KLRG1: variants seen among roughly 807,000 people sequenced by gnomAD.
The protein encoded by KLRG1 is killer cell lectin like receptor G1.
In KLRG1, 16 loss-of-function variants were observed where a neutral mutation model predicts 21.8. That is an observed-to-expected ratio of 0.73 (90% CI 0.50 to 1.11). The LOEUF is 1.11. KLRG1 is among the 50% of genes most tolerant of loss of function. KLRG1 has a pLI of 0.00. For synonymous variants in KLRG1, 69 were observed against 75.9 expected (o/e 0.91, Z 0.47); for missense variants, 173 against 218.3 (o/e 0.79, Z 1.31).
At chr12:9,165,289 G>A in the KLRG1 span, 652,207 of 1,594,002 alleles carry the variant, frequency 0.41, 138,936 homozygotes, top group East Asian at 0.46. Flanking sequence ...CAGCATCTTC[G>A]GACAGGCAGA....
the KLRG1 span, chr12:9,203,727 T>G: frequency 9.3e-6 from 15 of 1,606,358 alleles, no homozygotes; most frequent in Admixed American, 8.4e-5. Flanking sequence ...CTCAATAAAA[T>G]GTATCAAGCA....
chr12:9,129,028 T>C, the KLRG1 span, among the ~76,000 whole-genome samples: 1 of 152,208 alleles, frequency 6.6e-6, no homozygotes, highest in African/African-American at 2.4e-5. Flanking sequence ...TTTTGAATGT[T>C]ACCAGCTAGC....
chr12:9,153,070 A>G, the KLRG1 span: 2 of 1,607,470 alleles, frequency 1.2e-6, no homozygotes, highest in Admixed American at 3.4e-5. Flanking sequence ...CAGAGTTTCC[A>G]TTTCAATTGG....
chr12:9,152,903 C>A, the KLRG1 span: 1 of 1,614,118 alleles, frequency 6.2e-7, no homozygotes, highest in Non-Finnish European at 8.5e-7. Flanking sequence ...ACTTTTAAAG[C>A]AAATGGGGAG....
the KLRG1 span, chr12:9,069,780 C>T: frequency 6.2e-7 from 1 of 1,613,308 alleles, no homozygotes; most frequent in Non-Finnish European, 8.5e-7. Flanking sequence ...TTGCTGCTGA[C>T]TTCTGTCCGG....
intron 3 of KLRG1, among the ~76,000 whole-genome samples, chr12:9,002,455 T>G (rs1947333083): frequency 6.6e-6 from 1 of 152,220 alleles, no homozygotes; most frequent in Non-Finnish European, 1.5e-5. Flanking sequence ...GGGTTTGCAT[T>G]TTTTCTAAAA....
At chr12:9,206,784 G>A in the KLRG1 span, among the ~76,000 whole-genome samples, 3 of 152,026 alleles carry the variant, frequency 2.0e-5, no homozygotes, top group Non-Finnish European at 4.4e-5. Context: ...TTTGTTCAGT[G>A]GCAGACACAA....
chr12:9,116,158 A>G, the KLRG1 span: 1 of 362,330 alleles, frequency 2.8e-6, no homozygotes, highest in Non-Finnish European at 5.4e-6. Flanking sequence ...TAAGCTTTTC[A>G]ACCTCTTCTC....
At chr12:8,962,378 G>T (rs1422618757) in intron 1 of KLRG1, among the ~76,000 whole-genome samples, 1 of 152,118 alleles carries the variant, frequency 6.6e-6, no homozygotes, top group African/African-American at 2.4e-5. Context: ...CTGAAGGAAA[G>T]ATTAGCTGAC....
the KLRG1 span, among the ~76,000 whole-genome samples, chr12:9,088,274 A>T: frequency 6.6e-6 from 1 of 151,902 alleles, no homozygotes; most frequent in South Asian, 2.1e-4. Flanking sequence ...TTTAAAGAAG[A>T]ATATATTTTT....
At chr12:8,985,125 G>C (rs993597600), upstream of KLRG1, among the ~76,000 whole-genome samples, 1 of 150,348 alleles carries the variant, frequency 6.7e-6, no homozygotes, top group African/African-American at 2.4e-5. Context: ...ATTACATCTA[G>C]TTGTTATATT....
chr12:9,165,319 G>A, the KLRG1 span: 9 of 1,614,010 alleles, frequency 5.6e-6, no homozygotes, highest in South Asian at 2.2e-5. Flanking sequence ...CCTTCCACTC[G>A]GTGATGGTGT....
the KLRG1 span, chr12:9,152,097 T>C: frequency 5.2e-6 from 4 of 774,092 alleles, no homozygotes; most frequent in Non-Finnish European, 8.8e-6. Context: ...ACTTCCTGGG[T>C]TTGGGAAAAA....
chr12:9,165,103 C>T, the KLRG1 span: 1 of 1,594,160 alleles, frequency 6.3e-7, no homozygotes, highest in Non-Finnish European at 8.6e-7. Context: ...ATCTTTTGTT[C>T]TACCCACCTT....
the KLRG1 span, among the ~76,000 whole-genome samples, chr12:9,089,444 A>C: frequency 3.3e-5 from 5 of 152,188 alleles, no homozygotes; most frequent in African/African-American, 1.2e-4. Flanking sequence ...AAATTAAGAA[A>C]GTAAATCAAA....
chr12:9,149,560 C>T, the KLRG1 span: 4 of 1,612,362 alleles, frequency 2.5e-6, no homozygotes, highest in East Asian at 6.7e-5. Flanking sequence ...TGAACTCTTA[C>T]CTGTGCTGCA....
chr12:9,080,344 C>A, the KLRG1 span: 1 of 399,508 alleles, frequency 2.5e-6, no homozygotes, highest in East Asian at 3.7e-5. Context: ...AAATGGGCTA[C>A]TGGTTTCCTG....
the KLRG1 span, chr12:9,197,107 G>T: frequency 6.2e-7 from 1 of 1,611,224 alleles, no homozygotes; most frequent in Non-Finnish European, 8.5e-7. Context: ...CCTGGGACAG[G>T]CTTCCCATAA....
chr12:9,160,321 G>A, the KLRG1 span: 1 of 1,610,202 alleles, frequency 6.2e-7, no homozygotes, highest in Non-Finnish European at 8.5e-7. Context: ...TACCAGTGAT[G>A]AGATAGCCAA....
Sources: gnomAD v4.1 joint callset for allele counts (sites outside exome capture counted in the v4.1 genomes callset) on GRCh38, gnomAD v4.1.1 for gene constraint, MANE v1.5 for transcripts, NCBI Gene and HGNC (gene_info 2026-07-23, HGNC 2026-07-21) for gene names.